TP53I11: variants seen among roughly 807,000 people sequenced by gnomAD.
The protein encoded by TP53I11 is tumor protein p53 inducible protein 11.
A neutral mutation model predicts 23.3 loss-of-function variants in TP53I11; 9 were observed. That is an observed-to-expected ratio of 0.39 (90% confidence interval 0.23 to 0.67). The LOEUF (loss-of-function observed/expected upper bound fraction) is 0.67, where lower values mean the gene tolerates loss of function less well. Among genes scored for constraint, TP53I11 ranks in the 30% least tolerant of loss-of-function variants. TP53I11 has a pLI of 0.48. For missense variants in TP53I11, 170 were observed against 255.2 expected, an observed-to-expected ratio of 0.67 and a Z score of 2.27; for synonymous variants, 100 against 106.1, an observed-to-expected ratio of 0.94 and a Z score of 0.35.
chr11:44,939,898 G>A (rs1016976025), intron 1 of TP53I11, among the ~76,000 whole-genome samples: 6 of 152,230 alleles, frequency 3.9e-5, no homozygotes, highest in African/African-American at 1.2e-4. Flanking sequence ...AGGAGACAGC[G>A]GCGGGTGGTA....
intron 4 of TP53I11, 153 bp downstream of exon 4, chr11:44,937,151 G>A (rs1283049594): frequency 1.1e-6 from 1 of 951,920 alleles, no homozygotes; most frequent in African/African-American, 1.7e-5. Context: ...AGGCGTGGCA[G>A]TGTAGGAGTC....
chr11:44,938,214 C>A lies in TP53I11; in HGVS notation c.122G>T (p.Arg41Leu), dbSNP rs1163685990. Reference sequence around the variant, plus strand: ...CCCTGCTCTGCACCCCACCTTGGAGCGATGCACCTCCCCGTCGTCATCCTC... The same window carrying A: ...CCCTGCTCTGCACCCCACCTTGGAGAGATGCACCTCCCCGTCGTCATCCTC... The part of the protein sequence containing the change: ...GGEDDDGEVH[R>L]SKISQVLGNE... Residue 41 changes from arginine to leucine, a missense_variant, in exon 2 of 7, where the codon CGC (arginine) becomes CTC (leucine). Arg to Leu is a moderately radical substitution (Grantham distance 102). Transcript: ENST00000525680. 1 of 1,612,504 alleles carries A rather than the reference C, an allele frequency of 6.2e-7. No individual in the cohort carries two copies. Among genetic ancestry groups the A allele is most frequent in the African/African-American group, 1.3e-5 (1 of 74,896 alleles).
intron 1 of TP53I11, among the ~76,000 whole-genome samples, chr11:44,943,779 A>G (rs546263023): frequency 6.6e-5 from 10 of 152,284 alleles, no homozygotes; most frequent in Admixed American, 1.3e-4. Flanking sequence ...CCCCAAGACC[A>G]ACCAGTCTGA....
chr11:44,937,184 A>C (rs1175365899), intron 4 of TP53I11, 120 bp downstream of exon 4: 2 of 1,300,334 alleles, frequency 1.5e-6, no homozygotes, highest in African/African-American at 1.5e-5. Context: ...GCAGCCCCAG[A>C]GCCTGACAGA....
chr11:44,943,998 C>T (rs1250930882), intron 1 of TP53I11, among the ~76,000 whole-genome samples: 1 of 152,120 alleles, frequency 6.6e-6, no homozygotes, highest in Admixed American at 6.5e-5. Flanking sequence ...AAAGGGCTTT[C>T]CAATTAGGCA....
chr11:44,944,055 A>G (rs1862158607), intron 1 of TP53I11, among the ~76,000 whole-genome samples: 1 of 152,206 alleles, frequency 6.6e-6, no homozygotes, highest in African/African-American at 2.4e-5. Context: ...GGTGGCCTTA[A>G]GCGAGCAGTC....
Position 44,946,902 on chromosome 11 carries a change from G to A in TP53I11, c.-32+3775C>T, listed in dbSNP as rs1862439908. 7.3e-6 allele frequency: 3 copies of A among 409,006 alleles called. No homozygotes were observed. In the Admixed American group the frequency reaches 7.6e-5, roughly 10 times the overall value. 25.3% of individuals were successfully genotyped at this position (409,006 alleles called of 1,614,324 possible). ...CATCCCCAAGACCCGCCACCCCTCA[G>A]CCTGGACTGGCACACAGGTCCTATC... On this transcript the variant is annotated intron_variant, in intron 1 of 6. Transcript: ENST00000525680.
At chr11:44,935,836 T>C in intron 5 of TP53I11, 174 bp from the exon 6 acceptor site, 6 of 614,078 alleles carry the variant, frequency 9.8e-6, no homozygotes, top group Non-Finnish European at 1.7e-5. Flanking sequence ...TCCCCGATCC[T>C]GTCCCCTCCA....
chr11:44,942,402 C>CCA (rs1203178122), intron 1 of TP53I11, among the ~76,000 whole-genome samples: 2 of 146,702 alleles, frequency 1.4e-5, no homozygotes, highest in African/African-American at 2.5e-5. Context: ...ACCACAAACA[C>CCA]CACACACACA....
chr11:44,937,691 C>G (rs1861309738), intron 2 of TP53I11, 78 bp from the exon 3 acceptor site: 1 of 1,502,434 alleles, frequency 6.7e-7, no homozygotes, highest in Admixed American at 1.8e-5. Context: ...TCCCAGAGCC[C>G]TGCACACCCA....
At chr11:44,942,538 C>T (rs758477690) in intron 1 of TP53I11, among the ~76,000 whole-genome samples, 1 of 152,158 alleles carries the variant, frequency 6.6e-6, no homozygotes, top group Non-Finnish European at 1.5e-5. Context: ...GGCTGTGGGA[C>T]GTGTCAGTGC....
At position 44,936,010 on chromosome 11, in the gene TP53I11, G is replaced by T; in HGVS notation, c.335-348C>A. The T allele has an allele frequency of 2.8e-6, 1 of 356,876 alleles. No homozygotes were observed. Among genetic ancestry groups the T allele is most frequent in the Non-Finnish European group, 5.1e-6 (1 of 195,460 alleles). The allele number at this position is 356,876 out of a possible 1,614,324, so 22.1% of individuals were successfully genotyped here. ...TCTGTCAGGAGGATGCTGTGTTCAT[G>T]GAGTTCATGAGTTAATGGGTTACCT... On this transcript the variant is annotated intron_variant, in intron 5 of 6. Coordinates refer to ENST00000525680, the MANE Select transcript of TP53I11 (RefSeq NM_006034.5). The surrounding 1 kb of genome is among the most constrained non-coding windows in gnomAD (Gnocchi z 4.4).
intron 1 of TP53I11, among the ~76,000 whole-genome samples, chr11:44,942,217 C>A (rs1381083668): frequency 2.1e-5 from 3 of 146,108 alleles, no homozygotes; most frequent in Non-Finnish European, 3.0e-5. Flanking sequence ...CGCACACACA[C>A]CCACCACACA....
chr11:44,942,457 C>T (rs868801137), intron 1 of TP53I11, among the ~76,000 whole-genome samples: 3 of 132,996 alleles, frequency 2.3e-5, no homozygotes, highest in East Asian at 2.2e-4. Flanking sequence ...CACACACACA[C>T]ACACATACAC....
At chr11:44,947,899 T>G (rs566702253) in intron 1 of TP53I11, among the ~76,000 whole-genome samples, 2 of 152,340 alleles carry the variant, frequency 1.3e-5, no homozygotes, top group Admixed American at 1.3e-4. Flanking sequence ...ATAATAATGC[T>G]GCTCATTATT....
chr11:44,947,076 G>C (rs1862458589), intron 1 of TP53I11: 1 of 456,384 alleles, frequency 2.2e-6, no homozygotes, highest in Non-Finnish European at 4.4e-6. Context: ...CAGAGCAGGT[G>C]GCAAGAAGGA....
At chr11:44,938,824 C>T (rs1445125535) in intron 1 of TP53I11, among the ~76,000 whole-genome samples, 1 of 152,136 alleles carries the variant, frequency 6.6e-6, no homozygotes, top group Non-Finnish European at 1.5e-5. Context: ...AAACTTCTGC[C>T]CAATCCTGCA....
chr11:44,944,191 C>T (rs1379760783), intron 1 of TP53I11, among the ~76,000 whole-genome samples: 1 of 152,272 alleles, frequency 6.6e-6, no homozygotes, highest in Admixed American at 6.5e-5. Flanking sequence ...GGGGTCTGGA[C>T]AGCCGTGAAG....
chr11:44,950,447 G>A (rs1862838441), intron 1 of TP53I11, among the ~76,000 whole-genome samples: 1 of 152,114 alleles, frequency 6.6e-6, no homozygotes, highest in South Asian at 2.1e-4. Context: ...GAGACGGAAG[G>A]GGCTGCGGGA....
Sources: gnomAD v4.1 joint callset for allele counts (sites outside exome capture counted in the v4.1 genomes callset) on GRCh38, gnomAD v4.1.1 for gene constraint, Gnocchi (gnomAD v3.1) non-coding constraint, MANE v1.5 for transcripts, NCBI Gene and HGNC (gene_info 2026-07-23, HGNC 2026-07-21) for gene names.